SBF2: variants seen among roughly 807,000 people sequenced by gnomAD.
SBF2 encodes the protein myotubularin-related protein 13.
SBF2 carries 112 observed loss-of-function variants against 225.2 expected under a neutral mutation model. The ratio of observed to expected loss-of-function variants is 0.50; its 90% CI spans 0.43 to 0.58. The LOEUF (loss-of-function observed/expected upper bound fraction) is 0.58, where lower values mean the gene tolerates loss of function less well. Ranked by LOEUF, SBF2 falls within the 20% of genes least tolerant of loss-of-function variation. SBF2 has a pLI of 0.00. For synonymous variants in SBF2, 763 were observed against 773.3 expected (o/e 0.99, Z 0.22); for missense variants, 1,996 against 2,206.2 (o/e 0.90, Z 1.91).
At chr11:9,855,580 T>C (rs377454787) in intron 19 of SBF2, among the ~76,000 whole-genome samples, 2 of 152,310 alleles carry the variant, frequency 1.3e-5, no homozygotes, top group East Asian at 3.9e-4. Flanking sequence ...CATTTAATCA[T>C]CTGTTCAACC....
At chr11:9,990,240 C>G (rs1231506830) in intron 12 of SBF2, among the ~76,000 whole-genome samples, 1 of 152,120 alleles carries the variant, frequency 6.6e-6, no homozygotes, top group Non-Finnish European at 1.5e-5. Flanking sequence ...CAGGATTCTT[C>G]TAGGAACTAA....
At chr11:10,040,300 G>A (rs1482661415) in intron 3 of SBF2, among the ~76,000 whole-genome samples, 1 of 151,958 alleles carries the variant, frequency 6.6e-6, no homozygotes, top group Non-Finnish European at 1.5e-5. Flanking sequence ...TGGACTTCCG[G>A]ATGTGTACTC....
chr11:9,827,447 C>G (rs1380193738), intron 28 of SBF2, among the ~76,000 whole-genome samples: 1 of 151,810 alleles, frequency 6.6e-6, no homozygotes, highest in Non-Finnish European at 1.5e-5. Context: ...GAGGATTGCT[C>G]AAGCCCAGGA....
chr11:10,144,721 GTTC>G (rs1954810509), intron 2 of SBF2, among the ~76,000 whole-genome samples: 1 of 152,160 alleles, frequency 6.6e-6, no homozygotes, highest in African/African-American at 2.4e-5. Flanking sequence ...TTTTCTACAT[GTTC>G]TTCTATGCTC....
At chr11:10,076,782 C>A (rs1460392619) in intron 2 of SBF2, among the ~76,000 whole-genome samples, 1 of 152,198 alleles carries the variant, frequency 6.6e-6, no homozygotes, top group African/African-American at 2.4e-5. Context: ...AGTTGCTCTG[C>A]TCCTCCCTCG....
chr11:9,870,923 G>A (rs866183523), intron 17 of SBF2, among the ~76,000 whole-genome samples: 1 of 149,818 alleles, frequency 6.7e-6, no homozygotes, highest in African/African-American at 2.5e-5. Flanking sequence ...GCAGTGAGCC[G>A]AGATCACGCC....
intron 2 of SBF2, among the ~76,000 whole-genome samples, chr11:10,158,833 G>A (rs1054004206): frequency 1.3e-5 from 2 of 152,172 alleles, no homozygotes; most frequent in African/African-American, 4.8e-5. Context: ...TGGAGGGCAA[G>A]AATGGTTCAA....
At chr11:10,172,953 C>G (rs1430182715) in intron 2 of SBF2, among the ~76,000 whole-genome samples, 1 of 152,218 alleles carries the variant, frequency 6.6e-6, no homozygotes, top group Non-Finnish European at 1.5e-5. Context: ...CAGGCATGAG[C>G]CAGCGTGCCT....
At chr11:10,116,586 A>T (rs139097043) in intron 2 of SBF2, among the ~76,000 whole-genome samples, 1 of 152,328 alleles carries the variant, frequency 6.6e-6, no homozygotes, top group African/African-American at 2.4e-5. Context: ...TCCTAATTCA[A>T]ATATAAACTC....
chr11:10,249,995 G>A (rs1163041642), intron 1 of SBF2, among the ~76,000 whole-genome samples: 2 of 151,824 alleles, frequency 1.3e-5, no homozygotes, highest in Non-Finnish European at 2.9e-5. Context: ...TTAATCTTCA[G>A]GTTATATTTT....
intron 1 of SBF2, among the ~76,000 whole-genome samples, chr11:10,205,410 C>T (rs958576429): frequency 6.6e-6 from 1 of 151,856 alleles, no homozygotes; most frequent in Non-Finnish European, 1.5e-5. Context: ...AGGAGGCAAC[C>T]AAAGGAGAAC....
At chr11:9,953,964 A>AATATTT (rs1866005418) in intron 16 of SBF2, among the ~76,000 whole-genome samples, 2 of 152,184 alleles carry the variant, frequency 1.3e-5, no homozygotes, top group Admixed American at 1.3e-4. Flanking sequence ...ACACATAAAA[A>AATATTT]GCTTTAATTG....
chr11:9,856,584 T>C lies in SBF2; in HGVS notation c.2237A>G (p.Gln746Arg), dbSNP rs1434790229. ...VQHEESTVFS[Q>R]AIHFANLMVN... ...CATGAGGTTTGCAAAGTGAATGGCC[T>C]GACTAAAGACAGTGCTTTCCTCATG... The change falls in exon 19 of 40, where the codon CAG (glutamine) becomes CGG (arginine). Residue 746 changes from glutamine to arginine, a missense_variant. Gln to Arg is a conservative substitution (Grantham distance 43). Transcript: ENST00000256190. 6.2e-7 allele frequency: 1 copy of C among 1,614,044 alleles called. No homozygotes were observed. Among genetic ancestry groups the C allele is most frequent in the Non-Finnish European group, 8.5e-7 (1 of 1,180,034 alleles).
rs1340813895 is a variant in SBF2, at chr11:9,780,105, G to A, written c.*313C>T. 5.2e-6 allele frequency: 2 copies of A among 387,598 alleles called. No individual in the cohort carries two copies. The highest frequency in any genetic ancestry group is 1.1e-4 in the East Asian group (2 of 17,718). The allele number at this position is 387,598 out of a possible 1,614,324, so 24.0% of individuals were successfully genotyped here. ...ATAGCTTTCATGAAGAAGGACCCAA[G>A]TAGGTGGTAGCCATTTTGCCTGGGT... On this transcript the variant is annotated 3_prime_UTR_variant, in exon 40 of 40. Coordinates refer to ENST00000256190, the MANE Select transcript of SBF2 (RefSeq NM_030962.4).
At chr11:9,817,685 G>A (rs1854524159) in intron 28 of SBF2, among the ~76,000 whole-genome samples, 1 of 147,430 alleles carries the variant, frequency 6.8e-6, no homozygotes, top group Admixed American at 6.9e-5. Flanking sequence ...TGGGCAGATC[G>A]CTTGAGCCCA....
At chr11:9,833,611 G>A (rs146487792) in intron 26 of SBF2, among the ~76,000 whole-genome samples, 1,781 of 151,766 alleles carry the variant, frequency 0.012, 18 homozygotes, top group Middle Eastern at 0.058. Flanking sequence ...CAATAGAGAC[G>A]GGGTTTCACC....
intron 1 of SBF2, among the ~76,000 whole-genome samples, chr11:10,243,431 C>A (rs1294407281): frequency 6.7e-6 from 1 of 150,130 alleles, no homozygotes; most frequent in African/African-American, 2.5e-5. Context: ...AAAGAACACA[C>A]CAAACCTAAA....
chr11:9,843,983 C>G (rs1236604772), intron 24 of SBF2: 1 of 152,186 alleles, frequency 6.6e-6, no homozygotes, highest in Non-Finnish European at 1.5e-5. Context: ...TAAATTGCTA[C>G]ATCTCTGTTG....
At chr11:10,198,065 AT>A (rs1381461825) in intron 1 of SBF2, among the ~76,000 whole-genome samples, 13 of 152,102 alleles carry the variant, frequency 8.5e-5, no homozygotes, top group African/African-American at 2.9e-4. Flanking sequence ...ATAGGTTCAT[AT>A]TTTTACCTCC....
Sources: gnomAD v4.1 joint callset for allele counts (sites outside exome capture counted in the v4.1 genomes callset) on GRCh38, gnomAD v4.1.1 for gene constraint, MANE v1.5 for transcripts, NCBI Gene and HGNC (gene_info 2026-07-23, HGNC 2026-07-21) for gene names.